Variants in ZNRF3 observed in about 807,000 individuals in gnomAD.
ZNRF3 encodes zinc and ring finger 3.
Under a neutral mutation model 72.5 loss-of-function variants are expected in ZNRF3, and 23 were observed. That is an observed-to-expected ratio of 0.32 (90% confidence interval 0.23 to 0.45). The LOEUF is 0.45. Ranked by LOEUF, ZNRF3 falls within the 20% of genes least tolerant of loss-of-function variation. The pLI, the probability that ZNRF3 is intolerant of heterozygous loss-of-function variation, is 1.00. For synonymous variants in ZNRF3, 610 were observed against 545.3 expected (o/e 1.12, Z -1.65); for missense variants, 1,169 against 1,272.1 (o/e 0.92, Z 1.23).
At chr22:28,933,256 T>TG (rs1216830562) in intron 1 of ZNRF3, among the ~76,000 whole-genome samples, 1 of 152,206 alleles carries the variant, frequency 6.6e-6, no homozygotes, top group Non-Finnish European at 1.5e-5. Context: ...TTTTAAACAC[T>TG]GGGGGGATTG....
intron 2 of ZNRF3, among the ~76,000 whole-genome samples, chr22:28,991,467 C>T (rs1252572795): frequency 6.6e-6 from 1 of 151,894 alleles, no homozygotes; most frequent in African/African-American, 2.4e-5. Flanking sequence ...ATTCAGTTCT[C>T]GGTGCATTCT....
intron 1 of ZNRF3, among the ~76,000 whole-genome samples, chr22:28,925,515 C>T (rs1019709511): frequency 2.0e-5 from 3 of 152,074 alleles, no homozygotes; most frequent in African/African-American, 7.2e-5. Flanking sequence ...TTTTTCCTTC[C>T]CTTTTAAACT....
intron 2 of ZNRF3, among the ~76,000 whole-genome samples, chr22:29,034,675 A>G (rs1165012070): frequency 1.3e-5 from 2 of 152,232 alleles, no homozygotes; most frequent in East Asian, 1.9e-4. Flanking sequence ...CACTTTGGGA[A>G]AGGCTACTAT....
chr22:29,032,457 G>A (rs753391886), intron 2 of ZNRF3, among the ~76,000 whole-genome samples: 1 of 152,204 alleles, frequency 6.6e-6, no homozygotes, highest in Admixed American at 6.5e-5. Context: ...GAGGAGACAC[G>A]ATGTCTGCAT....
chr22:28,954,108 T>G (rs1390304696), intron 1 of ZNRF3, among the ~76,000 whole-genome samples: 1 of 152,254 alleles, frequency 6.6e-6, no homozygotes, highest in Non-Finnish European at 1.5e-5. Context: ...TCTTAGGACC[T>G]TCACAGTTTC....
intron 1 of ZNRF3, among the ~76,000 whole-genome samples, chr22:28,886,683 G>C (rs1010043850): frequency 1.3e-5 from 2 of 152,138 alleles, no homozygotes; most frequent in Non-Finnish European, 2.9e-5. Flanking sequence ...TAGTAGCCAG[G>C]CATGGTGACT....
chr22:28,939,760 A>C (rs1441190788), intron 1 of ZNRF3, among the ~76,000 whole-genome samples: 1 of 152,196 alleles, frequency 6.6e-6, no homozygotes, highest in Non-Finnish European at 1.5e-5. Flanking sequence ...CAGATGCTGT[A>C]GAAAGGGTTC....
At chr22:28,940,262 A>G (rs2034916783) in intron 1 of ZNRF3, among the ~76,000 whole-genome samples, 2 of 152,198 alleles carry the variant, frequency 1.3e-5, no homozygotes, top group Non-Finnish European at 2.9e-5. Flanking sequence ...ATTAAGGGAA[A>G]GGCTAGTTTC....
intron 2 of ZNRF3, among the ~76,000 whole-genome samples, chr22:29,000,252 C>T (rs762963851): frequency 6.6e-6 from 1 of 152,164 alleles, no homozygotes; most frequent in East Asian, 1.9e-4. Context: ...GCCTGAAGAA[C>T]GTGGGCTATT....
intron 2 of ZNRF3, among the ~76,000 whole-genome samples, chr22:28,988,224 T>C (rs1174108560): frequency 6.6e-6 from 1 of 152,158 alleles, no homozygotes; most frequent in Non-Finnish European, 1.5e-5. Context: ...ATATCTTTTA[T>C]ATTCTCAAAA....
chr22:28,963,584 T>A (rs1412335024), intron 1 of ZNRF3, among the ~76,000 whole-genome samples: 2 of 152,198 alleles, frequency 1.3e-5, no homozygotes, highest in Non-Finnish European at 2.9e-5. Context: ...TCTCTGATCC[T>A]GGAGCAGGGG....
intron 1 of ZNRF3, among the ~76,000 whole-genome samples, chr22:28,935,485 A>G (rs1302981668): frequency 6.6e-6 from 1 of 151,990 alleles, no homozygotes; most frequent in Non-Finnish European, 1.5e-5. Context: ...CATTTCTCTC[A>G]TTCCGGGTTC....
chr22:28,895,173 G>A (rs1271533967), intron 1 of ZNRF3, among the ~76,000 whole-genome samples: 1 of 152,162 alleles, frequency 6.6e-6, no homozygotes, highest in Non-Finnish European at 1.5e-5. Flanking sequence ...ATGTCCATCA[G>A]TGGACCCCAT....
intron 1 of ZNRF3, among the ~76,000 whole-genome samples, chr22:28,940,840 A>G (rs764231072): frequency 5.3e-5 from 8 of 152,204 alleles, no homozygotes; most frequent in Admixed American, 6.5e-5. Flanking sequence ...TGATGGTTTC[A>G]GCACCCCCAC....
In ZNRF3 at chr22:29,055,260, GTATT is replaced by G. The variant is rs889104741; in HGVS notation, c.*1647_*1650del. 2 of 152,116 alleles carry G rather than the reference GTATT, an allele frequency of 1.3e-5. No individual in the cohort carries two copies. The highest frequency in any genetic ancestry group is 2.9e-5 in the Non-Finnish European group (2 of 68,026). 9.4% of individuals were successfully genotyped at this position (152,116 alleles called of 1,614,324 possible). ...TGTTCACTAACTCTTCTGGTCACTT[GTATT>G]TATTTATTCATTCATTCATCAGATA... On this transcript the variant is annotated 3_prime_UTR_variant, in exon 9 of 9. Transcript: ENST00000544604.
At chr22:28,919,999 C>A (rs1307572371) in intron 1 of ZNRF3, among the ~76,000 whole-genome samples, 1 of 150,970 alleles carries the variant, frequency 6.6e-6, no homozygotes, top group Non-Finnish European at 1.5e-5. Flanking sequence ...GAGTTTTGCT[C>A]TTGTTGCCCA....
intron 1 of ZNRF3, among the ~76,000 whole-genome samples, chr22:28,930,606 C>T (rs771020226): frequency 3.9e-4 from 60 of 152,310 alleles, no homozygotes; most frequent in African/African-American, 1.4e-3. Context: ...GTCTTGACTA[C>T]GGAGCAGGTT....
intron 8 of ZNRF3, 94 bp from the exon 9 acceptor site, chr22:29,053,485 C>A: frequency 8.2e-7 from 1 of 1,223,218 alleles, no homozygotes; most frequent in East Asian, 2.4e-5. Flanking sequence ...CACAGGCCTG[C>A]CACATGCTGG....
At chr22:28,933,856 A>G (rs1455262468) in intron 1 of ZNRF3, among the ~76,000 whole-genome samples, 3 of 148,912 alleles carry the variant, frequency 2.0e-5, no homozygotes, top group Non-Finnish European at 4.4e-5. Context: ...TCATTGTATC[A>G]TGGTGAGTGG....
Sources: gnomAD v4.1 joint callset for allele counts (sites outside exome capture counted in the v4.1 genomes callset) on GRCh38, gnomAD v4.1.1 for gene constraint, MANE v1.5 for transcripts, NCBI Gene and HGNC (gene_info 2026-07-23, HGNC 2026-07-21) for gene names.